CLDN16: variants seen among roughly 807,000 people sequenced by gnomAD.
The protein encoded by CLDN16 is claudin 16, also known as claudin-16.
A neutral mutation model predicts 24.6 loss-of-function variants in CLDN16; 13 were observed. The ratio of observed to expected loss-of-function variants is 0.53; its 90% confidence interval spans 0.34 to 0.84. The LOEUF is 0.84. CLDN16 is among the 40% of genes least tolerant of loss of function. CLDN16 has a pLI of 0.01. For synonymous variants in CLDN16, 116 were observed against 106.7 expected (o/e 1.09, Z -0.54); for missense variants, 298 against 292.7 (o/e 1.02, Z -0.13).
chr3:190,292,064 T>C, the CLDN16 span, among the ~76,000 whole-genome samples: 18 of 152,128 alleles, frequency 1.2e-4, no homozygotes, highest in African/African-American at 4.3e-4. Context: ...CCTCTTCTCA[T>C]AGCTCCATTA....
chr3:190,344,469 T>C (rs968555741), intron 1 of CLDN16, among the ~76,000 whole-genome samples: 7 of 151,838 alleles, frequency 4.6e-5, no homozygotes, highest in Admixed American at 4.6e-4. Context: ...TATTATAGAG[T>C]AGTGAATAAT....
At chr3:190,409,193 C>T (rs911512223) in intron 4 of CLDN16, among the ~76,000 whole-genome samples, 3 of 149,166 alleles carry the variant, frequency 2.0e-5, no homozygotes, top group Non-Finnish European at 3.0e-5. Flanking sequence ...TATACACACA[C>T]GTATATGCAT....
At chr3:190,337,939 G>T (rs191387466) in intron 1 of CLDN16, among the ~76,000 whole-genome samples, 123 of 152,264 alleles carry the variant, frequency 8.1e-4, no homozygotes, top group Non-Finnish European at 1.4e-3. Flanking sequence ...ACCCTATAGA[G>T]CATAGGAAAG....
chr3:190,304,488 T>G, the CLDN16 span, among the ~76,000 whole-genome samples: 6 of 152,152 alleles, frequency 3.9e-5, no homozygotes, highest in Admixed American at 6.5e-5. Flanking sequence ...ATTGGAAAAC[T>G]TATCAATAGA....
chr3:190,321,328 C>A (rs1004944251), upstream of CLDN16, among the ~76,000 whole-genome samples: 1 of 152,166 alleles, frequency 6.6e-6, no homozygotes, highest in East Asian at 1.9e-4. Flanking sequence ...CTACAGAAGA[C>A]CTTGGGTCTG....
the CLDN16 span, chr3:190,308,264 T>G: frequency 6.2e-7 from 1 of 1,613,662 alleles, no homozygotes; most frequent in Middle Eastern, 1.7e-4. Flanking sequence ...GATTTTCTCC[T>G]TTTGCCTCTG....
In CLDN16 at chr3:190,396,938, A is replaced by G. The variant is rs564496668; in HGVS notation, c.115-5399A>G. 7.2e-5 allele frequency among the ~76,000 whole-genome samples: 11 copies of G among 152,306 alleles called. No homozygotes were observed. In the East Asian group the frequency reaches 2.1e-3, roughly 29 times the overall value. On this transcript the variant is annotated intron_variant, in intron 1 of 4. Transcript: ENST00000264734. ...ACTCAAATGCCTTAAGGAACCAAGT[A>G]GCCAGCGTTCACGAGAGAGGCAGGT... is the stretch of plus-strand genomic sequence containing the variant.
intron 1 of CLDN16, among the ~76,000 whole-genome samples, chr3:190,396,686 A>G (rs536307981): frequency 6.0e-4 from 91 of 152,306 alleles, no homozygotes; most frequent in Non-Finnish European, 1.2e-3. Context: ...ATAATTGCAC[A>G]TACAAAAGAT....
intron 3 of CLDN16, among the ~76,000 whole-genome samples, chr3:190,379,102 T>C (rs1718305226): frequency 6.6e-6 from 1 of 152,092 alleles, no homozygotes; most frequent in African/African-American, 2.4e-5. Context: ...TGAGCCTCAG[T>C]TACATAGATT....
chr3:190,355,726 T>C (rs940744902), intron 1 of CLDN16, among the ~76,000 whole-genome samples: 1 of 151,862 alleles, frequency 6.6e-6, no homozygotes, highest in African/African-American at 2.4e-5. Context: ...AATATTCACA[T>C]GCATTGAGAT....
chr3:190,383,945 A>G (rs982905467), upstream of CLDN16, among the ~76,000 whole-genome samples: 7 of 152,194 alleles, frequency 4.6e-5, no homozygotes, highest in African/African-American at 1.7e-4. Context: ...TACAAACGTT[A>G]TTCATTTTTC....
chr3:190,309,921 T>C, the CLDN16 span, among the ~76,000 whole-genome samples: 6 of 152,138 alleles, frequency 3.9e-5, no homozygotes, highest in African/African-American at 1.4e-4. Flanking sequence ...GAAAGCCCAG[T>C]TATACAGTTG....
the CLDN16 span, among the ~76,000 whole-genome samples, chr3:190,301,351 C>T: frequency 6.6e-6 from 1 of 151,920 alleles, no homozygotes; most frequent in Non-Finnish European, 1.5e-5. Flanking sequence ...AAAAATTAGC[C>T]GGGTGTGGTG....
At chr3:190,297,465 T>TTA in the CLDN16 span, among the ~76,000 whole-genome samples, 82,520 of 143,362 alleles carry the variant, frequency 0.58, 24,446 homozygotes, top group African/African-American at 0.71. Flanking sequence ...ATCATATTAA[T>TTA]TGTTATATTA....
At chr3:190,358,349 A>G (rs1230004142) in intron 1 of CLDN16, among the ~76,000 whole-genome samples, 1 of 152,002 alleles carries the variant, frequency 6.6e-6, no homozygotes, top group African/African-American at 2.4e-5. Flanking sequence ...TTTAAAAAGA[A>G]TATCTAATCA....
rs34203533 is a variant in CLDN16 at position 190,379,975 on chromosome 3, G to GTCTATCTATCTATCTATCTA, written n.306+5393_306+5412dup. ...TGATCTATCTATGTCTATCAACTCT[G>GTCTATCTATCTATCTATCTA]TCTATCTATCTATCTATCTATCTAT... On this transcript the variant is annotated intron_variant and non_coding_transcript_variant, in intron 3 of 4. Transcript: ENST00000468220. Among the ~76,000 whole-genome samples, 351 of 149,102 alleles carry GTCTATCTATCTATCTATCTA rather than the reference G, an allele frequency of 2.4e-3. 2 individuals are homozygous for GTCTATCTATCTATCTATCTA. The highest frequency in any genetic ancestry group is 6.5e-3 in the African/African-American group (265 of 40,490).
chr3:190,338,112 G>A (rs573051922), intron 1 of CLDN16, among the ~76,000 whole-genome samples: 2 of 152,244 alleles, frequency 1.3e-5, no homozygotes, highest in East Asian at 1.9e-4. Flanking sequence ...AAAGACGGAG[G>A]AAATAGTAGC....
chr3:190,310,148 T>G, the CLDN16 span: 1 of 1,600,854 alleles, frequency 6.2e-7, no homozygotes, highest in Middle Eastern at 1.7e-4. Context: ...AACAAACTAT[T>G]TTACGCCTGA....
chr3:190,388,115 G>A (rs777259905), upstream of CLDN16: 22 of 1,613,480 alleles, frequency 1.4e-5, no homozygotes, highest in African/African-American at 6.7e-5. Flanking sequence ...TGGTTGCTTC[G>A]GATAATGACC....
Sources: gnomAD v4.1 joint callset for allele counts (sites outside exome capture counted in the v4.1 genomes callset) on GRCh38, gnomAD v4.1.1 for gene constraint, MANE v1.5 for transcripts, NCBI Gene and HGNC (gene_info 2026-07-23, HGNC 2026-07-21) for gene names.